YAP1: variants seen among roughly 807,000 people sequenced by gnomAD.
The protein encoded by YAP1 is transcriptional coactivator YAP1.
Under a neutral mutation model 56.9 loss-of-function variants are expected in YAP1, and 5 were observed. The observed-to-expected ratio is 0.09, with a 90% CI of 0.05 to 0.18. YAP1 has a LOEUF of 0.18. Among genes scored for constraint, YAP1 ranks in the 10% least tolerant of loss-of-function variants. The pLI, the probability that YAP1 is intolerant of heterozygous loss-of-function variation, is 1.00. For synonymous variants in YAP1, 265 were observed against 248.1 expected, an observed-to-expected ratio of 1.07 and a Z score of -0.64; for missense variants, 539 against 651.8, an observed-to-expected ratio of 0.83 and a Z score of 1.88.
At chr11:102,210,746 GT>G (rs1295624609) in intron 6 of YAP1, among the ~76,000 whole-genome samples, 1 of 151,856 alleles carries the variant, frequency 6.6e-6, no homozygotes, top group African/African-American at 2.4e-5. Flanking sequence ...TTGTCTTTTT[GT>G]TTTTGTTTTT....
intron 3 of YAP1, among the ~76,000 whole-genome samples, chr11:102,177,065 CA>C (rs1243998831): frequency 6.6e-6 from 1 of 151,960 alleles, no homozygotes; most frequent in African/African-American, 2.4e-5. Context: ...GTTAGCTAAG[CA>C]AAGAAGGTAG....
intron 6 of YAP1, among the ~76,000 whole-genome samples, chr11:102,217,456 A>G (rs1241536392): frequency 6.6e-6 from 1 of 152,220 alleles, no homozygotes; most frequent in Non-Finnish European, 1.5e-5. Context: ...TGAATAAACA[A>G]ATGTAATATA....
At chr11:102,174,948 A>T (rs899545310) in intron 3 of YAP1, among the ~76,000 whole-genome samples, 1 of 152,200 alleles carries the variant, frequency 6.6e-6, no homozygotes, top group Non-Finnish European at 1.5e-5. Flanking sequence ...CCACAGTTTC[A>T]TCTTATTCTA....
rs878922920 is a variant in YAP1, at chr11:102,223,553, A to G, written c.1033-69A>G. On this transcript the variant is annotated intron_variant, in intron 6 of 8. Coordinates refer to ENST00000282441, the MANE Select transcript of YAP1 (RefSeq NM_001130145.3). The stretch of plus-strand genomic sequence containing the variant: ...GCACGGTTACTCTGATGAACGTTTT[A>G]TTTCTTTAAACCTAACATTAAATGT... 10 of 1,536,982 alleles carry G rather than the reference A, an allele frequency of 6.5e-6. No individual in the cohort carries two copies. The South Asian group carries it at 1.1e-4, about 17-fold the overall frequency.
rs748877056 is a variant in YAP1 at position 102,114,330 on chromosome 11, G to A, written c.508G>A (p.Asp170Asn). ...ACAGTCTTCTTTTGAGATACCTGAT[G>A]ATGTACCTCTGCCAGCAGGTTGGGA... ...LRQSSFEIPD[D>N]VPLPAGWEMA... The change falls in exon 2 of 9, where the codon GAT becomes AAT. Residue 170 changes from aspartate (D) to asparagine (N), a missense_variant. This residue lies in a region of YAP1 where 414 missense variants were observed against 512.4 expected (regional missense o/e 0.81). Coordinates refer to ENST00000282441, the MANE Select transcript of YAP1 (RefSeq NM_001130145.3). 11 of 1,614,050 alleles carry A rather than the reference G, an allele frequency of 6.8e-6. No individual in the cohort carries two copies. In the African/African-American group the frequency reaches 1.2e-4, roughly 18 times the overall value.
intron 2 of YAP1, among the ~76,000 whole-genome samples, chr11:102,132,381 A>G (rs1406270417): frequency 2.6e-5 from 4 of 152,220 alleles, no homozygotes; most frequent in Non-Finnish European, 5.9e-5. Context: ...CTGTTAATTA[A>G]TTAATCTCAG....
chr11:102,167,770 G>A (rs116458635), intron 3 of YAP1, among the ~76,000 whole-genome samples: 2,644 of 152,254 alleles, frequency 0.017, 68 homozygotes, highest in African/African-American at 0.061. Context: ...GGGTGTGGTC[G>A]TTCATGCCTA....
chr11:102,145,406 C>G (rs986524228), intron 2 of YAP1, among the ~76,000 whole-genome samples: 2 of 152,114 alleles, frequency 1.3e-5, no homozygotes, highest in African/African-American at 4.8e-5. Context: ...ATCAGAAATA[C>G]CACTGATATG....
At chr11:102,122,312 C>T (rs1943706932) in intron 2 of YAP1, among the ~76,000 whole-genome samples, 1 of 151,784 alleles carries the variant, frequency 6.6e-6, no homozygotes, top group Non-Finnish European at 1.5e-5. Context: ...CCCAGCTACT[C>T]CTTTTGGGAG....
In YAP1 at chr11:102,110,968, G is replaced by A. The variant is rs1041701768; in HGVS notation, c.120G>A (p.Ala40=). 1 of 1,518,014 alleles carries A rather than the reference G, an allele frequency of 6.6e-7. No individual in the cohort carries two copies. Among genetic ancestry groups the A allele is most frequent in the Non-Finnish European group, 8.8e-7 (1 of 1,134,816 alleles). The allele number at this position is 1,518,014 out of a possible 1,614,324, so 94.0% of individuals were successfully genotyped here. The change falls in exon 1 of 9, where the codon GCG becomes GCA. Residue 40 remains alanine, a synonymous_variant. Coordinates refer to ENST00000282441, the MANE Select transcript of YAP1 (RefSeq NM_001130145.3). ...PSGPGQPAPA[A]TQAAPQAPPA... is the part of the protein sequence containing the mutation. ...GACCCGGGCAACCGGCACCCGCGGCGACCCAGGCGGCGCCGCAGGCACCCC... is the reference window on the plus strand; with the variant it reads ...GACCCGGGCAACCGGCACCCGCGGCAACCCAGGCGGCGCCGCAGGCACCCC...
At chr11:102,167,460 T>C (rs1231065384) in intron 3 of YAP1, among the ~76,000 whole-genome samples, 1 of 152,202 alleles carries the variant, frequency 6.6e-6, no homozygotes, top group East Asian at 1.9e-4. Flanking sequence ...TATAGCTGGG[T>C]GCAGTGGCTC....
chr11:102,221,722 CA>C (rs1350386865), intron 6 of YAP1, among the ~76,000 whole-genome samples: 3 of 143,536 alleles, frequency 2.1e-5, no homozygotes, highest in African/African-American at 7.8e-5. Context: ...GACCCTGTCT[CA>C]AAAAGATTAA....
intron 2 of YAP1, among the ~76,000 whole-genome samples, chr11:102,161,342 C>T (rs1230299334): frequency 1.8e-5 from 2 of 109,206 alleles, no homozygotes. Flanking sequence ...TGTGTACTTT[C>T]ACTACACACA....
intron 6 of YAP1, among the ~76,000 whole-genome samples, chr11:102,220,970 C>T (rs1338503826): frequency 6.6e-6 from 1 of 152,182 alleles, no homozygotes; most frequent in Non-Finnish European, 1.5e-5. Flanking sequence ...CGTCTCAAAA[C>T]ATGACTTAAG....
intron 4 of YAP1, among the ~76,000 whole-genome samples, chr11:102,192,395 G>T (rs1264152345): frequency 1.3e-5 from 2 of 152,268 alleles, no homozygotes; most frequent in Admixed American, 1.3e-4. Context: ...TTATGTCATT[G>T]CTCTGACCTG....
At chr11:102,111,225 G>T (rs1398674030) in intron 1 of YAP1, 56 bp downstream of exon 1, 1 of 1,598,636 alleles carries the variant, frequency 6.3e-7, no homozygotes, top group Non-Finnish European at 8.5e-7. Context: ...AGACCGGGGG[G>T]GCGCTCGGGA....
At chr11:102,122,570 G>C (rs889469531) in intron 2 of YAP1, among the ~76,000 whole-genome samples, 1 of 152,078 alleles carries the variant, frequency 6.6e-6, no homozygotes, top group Non-Finnish European at 1.5e-5. Context: ...CATTGATTTA[G>C]AAAATCCCTT....
chr11:102,151,640 T>G (rs1464339638), intron 2 of YAP1, among the ~76,000 whole-genome samples: 1 of 152,224 alleles, frequency 6.6e-6, no homozygotes. Flanking sequence ...GGATTATGTG[T>G]TATTCATTTT....
At chr11:102,177,952 A>T (rs1947361537) in intron 3 of YAP1, among the ~76,000 whole-genome samples, 1 of 152,170 alleles carries the variant, frequency 6.6e-6, no homozygotes, top group South Asian at 2.1e-4. Flanking sequence ...AGTATTCAAG[A>T]GCATGATTTC....
Sources: gnomAD v4.1 joint callset for allele counts (sites outside exome capture counted in the v4.1 genomes callset) on GRCh38, gnomAD v4.1.1 for gene constraint, gnomAD v4.1.1 regional missense constraint, MANE v1.5 for transcripts, NCBI Gene and HGNC (gene_info 2026-07-23, HGNC 2026-07-21) for gene names.